The following SPATA16 variants were observed in gnomAD, a reference collection of about 807,000 sequenced individuals.
SPATA16 encodes the protein spermatogenesis-associated protein 16.
In SPATA16, 36 loss-of-function variants were observed where a neutral mutation model predicts 63.3. The ratio of observed to expected loss-of-function variants is 0.57; its 90% CI spans 0.44 to 0.75. The LOEUF is 0.75. Among genes scored for constraint, SPATA16 ranks in the 30% least tolerant of loss-of-function variants. SPATA16 has a pLI of 0.00. For missense variants in SPATA16, 646 were observed against 679.3 expected (o/e 0.95, Z 0.54); for synonymous variants, 203 against 216.7 (o/e 0.94, Z 0.56).
intron 2 of SPATA16, among the ~76,000 whole-genome samples, chr3:173,076,525 T>C (rs1407221086): frequency 6.6e-6 from 1 of 152,068 alleles, no homozygotes. Context: ...GTTGGGACAG[T>C]TTCATCTCAG....
At chr3:173,055,963 T>A (rs1736212291) in intron 2 of SPATA16, among the ~76,000 whole-genome samples, 1 of 152,232 alleles carries the variant, frequency 6.6e-6, no homozygotes, top group Non-Finnish European at 1.5e-5. Flanking sequence ...TTCCTTCCTT[T>A]ATTTTATTCA....
intron 1 of SPATA16, among the ~76,000 whole-genome samples, chr3:173,139,052 G>T (rs1738628748): frequency 6.6e-6 from 1 of 152,070 alleles, no homozygotes. Flanking sequence ...CATAGCCATT[G>T]GGTTCTGTTT....
intron 2 of SPATA16, among the ~76,000 whole-genome samples, chr3:173,056,484 C>T (rs1736225989): frequency 6.6e-6 from 1 of 151,996 alleles, no homozygotes; most frequent in Admixed American, 6.6e-5. Context: ...GGGTGGATCG[C>T]CTGAGGTCAG....
At chr3:173,077,730 G>C (rs995480697) in intron 2 of SPATA16, among the ~76,000 whole-genome samples, 1 of 152,080 alleles carries the variant, frequency 6.6e-6, no homozygotes, top group Non-Finnish European at 1.5e-5. Context: ...TCTCCTAAAG[G>C]CTCTGTGAAA....
In SPATA16 at chr3:173,041,953, A is replaced by G. The variant is rs546262407; in HGVS notation, c.758+6996T>C. Among the ~76,000 whole-genome samples, 1,354 of 152,202 alleles carry G rather than the reference A, an allele frequency of 8.9e-3. 15 individuals carry two copies. The highest frequency in any genetic ancestry group is 0.011 in the Non-Finnish European group (757 of 67,996). Reference sequence around the variant, plus strand: ...ATGTACCCTAAAACTTAAAGTATAAAAATAAAAAAAAGAAGAGGTTATTGT... The same window carrying G: ...ATGTACCCTAAAACTTAAAGTATAAGAATAAAAAAAAGAAGAGGTTATTGT... On this transcript the variant is annotated intron_variant, in intron 3 of 10. Coordinates refer to ENST00000351008, the MANE Select transcript of SPATA16 (RefSeq NM_031955.6).
At chr3:173,014,069 A>T (rs1480620568) in intron 4 of SPATA16, among the ~76,000 whole-genome samples, 1 of 152,180 alleles carries the variant, frequency 6.6e-6, no homozygotes, top group African/African-American at 2.4e-5. Context: ...CAAGTCAGCA[A>T]TCCCACTTCT....
chr3:173,015,631 A>C (rs1432075807), intron 4 of SPATA16, among the ~76,000 whole-genome samples: 1 of 152,196 alleles, frequency 6.6e-6, no homozygotes, highest in Non-Finnish European at 1.5e-5. Context: ...CTGAATGGTT[A>C]TCAACCACAT....
intron 4 of SPATA16, among the ~76,000 whole-genome samples, chr3:172,987,417 G>A (rs574016050): frequency 2.0e-5 from 3 of 152,106 alleles, no homozygotes; most frequent in Non-Finnish European, 2.9e-5. Flanking sequence ...ACCATATCCC[G>A]GGTCACTCTC....
chr3:173,064,921 T>A (rs1736479512), intron 2 of SPATA16, among the ~76,000 whole-genome samples: 1 of 152,192 alleles, frequency 6.6e-6, no homozygotes, highest in South Asian at 2.1e-4. Flanking sequence ...CTCTAAGAAT[T>A]TCTTTTCTAA....
At chr3:173,096,208 C>T (rs995606064) in intron 2 of SPATA16, among the ~76,000 whole-genome samples, 8 of 151,978 alleles carry the variant, frequency 5.3e-5, no homozygotes, top group African/African-American at 1.9e-4. Context: ...GCATTTGGGT[C>T]AGCGCTGGCA....
At chr3:173,110,878 A>T (rs1452658893) in intron 2 of SPATA16, among the ~76,000 whole-genome samples, 2 of 152,208 alleles carry the variant, frequency 1.3e-5, no homozygotes, top group Non-Finnish European at 2.9e-5. Flanking sequence ...TTTGGTATAA[A>T]TCCTTCTCAG....
chr3:173,015,468 C>T (rs776427091), intron 4 of SPATA16, among the ~76,000 whole-genome samples: 8 of 152,052 alleles, frequency 5.3e-5, no homozygotes, highest in African/African-American at 1.9e-4. Context: ...AAATAAAGAC[C>T]CTGTGCAATG....
intron 3 of SPATA16, among the ~76,000 whole-genome samples, chr3:173,025,016 A>G (rs1332483023): frequency 6.6e-6 from 1 of 150,846 alleles, no homozygotes; most frequent in African/African-American, 2.4e-5. Context: ...TCTTTAAAGA[A>G]TTATTTAGGA....
At chr3:172,901,987 T>C (rs1732135157) in intron 10 of SPATA16, among the ~76,000 whole-genome samples, 1 of 152,194 alleles carries the variant, frequency 6.6e-6, no homozygotes. Context: ...CCAGACTCCC[T>C]ACTTGTTCTT....
chr3:173,108,779 G>C (rs971819005), intron 2 of SPATA16, among the ~76,000 whole-genome samples: 2 of 151,966 alleles, frequency 1.3e-5, no homozygotes, highest in African/African-American at 4.8e-5. Context: ...TCTTTTCTAT[G>C]ATTAGATACA....
chr3:173,021,877 G>A (rs1480055619), intron 3 of SPATA16, among the ~76,000 whole-genome samples: 1 of 151,932 alleles, frequency 6.6e-6, no homozygotes, highest in Admixed American at 6.6e-5. Flanking sequence ...TTACTGAATG[G>A]ATGTTTCCAG....
At chr3:173,053,948 T>A (rs903145834) in intron 2 of SPATA16, among the ~76,000 whole-genome samples, 1 of 152,150 alleles carries the variant, frequency 6.6e-6, no homozygotes, top group African/African-American at 2.4e-5. Context: ...CATATTTCTT[T>A]CTATACGTTT....
At chr3:172,930,086 G>A (rs1732833507) in intron 6 of SPATA16, among the ~76,000 whole-genome samples, 2 of 151,966 alleles carry the variant, frequency 1.3e-5, no homozygotes, top group African/African-American at 4.8e-5. Flanking sequence ...CTATTATCTT[G>A]GCCAAATTTC....
At chr3:172,951,063 A>G (rs73175073) in intron 6 of SPATA16, among the ~76,000 whole-genome samples, 9,571 of 152,218 alleles carry the variant, frequency 0.063, 375 homozygotes, top group Non-Finnish European at 0.077. Context: ...CTCAAGCCAA[A>G]TCTTTATAAA....
Sources: gnomAD v4.1 joint callset for allele counts (sites outside exome capture counted in the v4.1 genomes callset) on GRCh38, gnomAD v4.1.1 for gene constraint, MANE v1.5 for transcripts, NCBI Gene and HGNC (gene_info 2026-07-23, HGNC 2026-07-21) for gene names.